Variants in SCAPER observed in about 807,000 individuals in gnomAD.
SCAPER encodes S phase cyclin A-associated protein in the endoplasmic reticulum.
A neutral mutation model predicts 182.2 loss-of-function variants in SCAPER; 98 were observed. That is an observed-to-expected ratio of 0.54 (90% CI 0.46 to 0.64). The LOEUF (loss-of-function observed/expected upper bound fraction) is 0.64, where lower values mean the gene tolerates loss of function less well. SCAPER is among the 30% of genes least tolerant of loss of function. SCAPER has a pLI of 0.00. For missense variants in SCAPER, 1,432 were observed against 1,690.0 expected, an observed-to-expected ratio of 0.85 and a Z score of 2.68; for synonymous variants, 605 against 564.6, an observed-to-expected ratio of 1.07 and a Z score of -1.01.
chr15:76,457,066 CTT>C (rs556374437), intron 25 of SCAPER, among the ~76,000 whole-genome samples: 28 of 141,920 alleles, frequency 2.0e-4, no homozygotes, highest in Admixed American at 3.5e-4. Context: ...GCTTTACACA[CTT>C]TTTTTTTTTT....
intron 26 of SCAPER, among the ~76,000 whole-genome samples, chr15:76,428,698 T>C (rs1250992370): frequency 6.6e-6 from 1 of 151,324 alleles, no homozygotes; most frequent in Non-Finnish European, 1.5e-5. Context: ...TACAATTAAA[T>C]AGGAGGAATA....
At chr15:76,522,291 A>T (rs184466983) in intron 23 of SCAPER, among the ~76,000 whole-genome samples, 57 of 152,270 alleles carry the variant, frequency 3.7e-4, no homozygotes, top group African/African-American at 1.3e-3. Flanking sequence ...AGTATAATTT[A>T]TTCCAATTTG....
chr15:76,716,034 A>G (rs1475541968), intron 17 of SCAPER, among the ~76,000 whole-genome samples: 1 of 152,130 alleles, frequency 6.6e-6, no homozygotes, highest in East Asian at 1.9e-4. Flanking sequence ...CCTGTGAACA[A>G]TGTCAGACCT....
At chr15:76,801,430 A>AT (rs2065782165) in intron 6 of SCAPER, among the ~76,000 whole-genome samples, 1 of 152,202 alleles carries the variant, frequency 6.6e-6, no homozygotes, top group South Asian at 2.1e-4. Context: ...ATATTTACCT[A>AT]TATTTTCTTC....
chr15:76,848,430 T>G (rs2070365465), intron 4 of SCAPER, among the ~76,000 whole-genome samples: 1 of 151,414 alleles, frequency 6.6e-6, no homozygotes, highest in Non-Finnish European at 1.5e-5. Flanking sequence ...GCCTCCCAGG[T>G]TCACGCCATT....
chr15:76,670,211 A>G (rs1438123763), intron 20 of SCAPER, among the ~76,000 whole-genome samples: 1 of 151,882 alleles, frequency 6.6e-6, no homozygotes, highest in East Asian at 1.9e-4. Context: ...AATATTTCTA[A>G]TACCTAGAAA....
At chr15:76,577,690 A>G (rs1418152429) in intron 22 of SCAPER, among the ~76,000 whole-genome samples, 2 of 152,148 alleles carry the variant, frequency 1.3e-5, no homozygotes, top group African/African-American at 4.8e-5. Flanking sequence ...CTCACGAGTT[A>G]GCAGTGGTAG....
chr15:76,654,614 C>G (rs2055463380), intron 21 of SCAPER, among the ~76,000 whole-genome samples: 1 of 152,182 alleles, frequency 6.6e-6, no homozygotes. Flanking sequence ...AATTCCATTA[C>G]TGGGTATATA....
chr15:76,800,232 TC>T lies in SCAPER; in HGVS notation c.611+15del. 1 of 1,411,328 alleles carries T rather than the reference TC, an allele frequency of 7.1e-7. No individual in the cohort carries two copies. Among genetic ancestry groups the T allele is most frequent in the Non-Finnish European group, 1.0e-6 (1 of 1,000,504 alleles). The allele number at this position is 1,411,328 out of a possible 1,614,324, so 87.4% of individuals were successfully genotyped here. The stretch of plus-strand genomic sequence containing the variant: ...TTTAATGCAAGTCTTAGTAGTTTTT[TC>T]TTAGTTCATCTCACCCAAAATTTAA... On this transcript the variant is annotated intron_variant, in intron 7 of 31. Transcript: ENST00000563290.
chr15:76,644,405 T>A (rs2054366456), intron 21 of SCAPER, among the ~76,000 whole-genome samples: 1 of 152,194 alleles, frequency 6.6e-6, no homozygotes, highest in Non-Finnish European at 1.5e-5. Context: ...AAATGCTTGA[T>A]AAATTTTCTA....
intron 16 of SCAPER, among the ~76,000 whole-genome samples, chr15:76,732,748 G>A (rs1047752051): frequency 5.9e-5 from 9 of 152,150 alleles, no homozygotes; most frequent in African/African-American, 9.7e-5. Flanking sequence ...CAGTGGTCAC[G>A]CTCCTAGTCC....
intron 2 of SCAPER, among the ~76,000 whole-genome samples, chr15:76,863,090 A>C (rs1030133146): frequency 1.3e-5 from 2 of 152,172 alleles, no homozygotes; most frequent in Non-Finnish European, 2.9e-5. Flanking sequence ...GAACATACGT[A>C]ATTTCTTGCT....
At chr15:76,659,046 C>T (rs946694551) in intron 21 of SCAPER, among the ~76,000 whole-genome samples, 5 of 151,954 alleles carry the variant, frequency 3.3e-5, no homozygotes, top group African/African-American at 9.7e-5. Flanking sequence ...AAAACAATTG[C>T]AACAACAACA....
chr15:76,358,463 A>C (rs533737252), intron 29 of SCAPER, among the ~76,000 whole-genome samples: 1 of 152,352 alleles, frequency 6.6e-6, no homozygotes, highest in East Asian at 1.9e-4. Flanking sequence ...TATTTTCCAC[A>C]GTTCTGGAGG....
chr15:76,688,532 T>C (rs2058161693), intron 20 of SCAPER, among the ~76,000 whole-genome samples: 1 of 152,214 alleles, frequency 6.6e-6, no homozygotes, highest in Non-Finnish European at 1.5e-5. Context: ...CTAAATGGTA[T>C]TGCCTAGGTT....
chr15:76,753,201 C>A (rs971907504), intron 15 of SCAPER, among the ~76,000 whole-genome samples: 3 of 151,700 alleles, frequency 2.0e-5, no homozygotes, highest in African/African-American at 4.8e-5. Context: ...TAGAAAAAAA[C>A]TGGAAAGAAA....
At chr15:76,501,714 C>T (rs560860041) in intron 24 of SCAPER, among the ~76,000 whole-genome samples, 2 of 152,304 alleles carry the variant, frequency 1.3e-5, no homozygotes, top group Admixed American at 6.5e-5. Context: ...ACAGCAAGGG[C>T]TAAGGTGGCA....
At chr15:76,489,786 A>G (rs2052092080) in intron 24 of SCAPER, among the ~76,000 whole-genome samples, 1 of 152,184 alleles carries the variant, frequency 6.6e-6, no homozygotes, top group Non-Finnish European at 1.5e-5. Flanking sequence ...CCTGTTGATT[A>G]GCAACTCCCT....
intron 4 of SCAPER, among the ~76,000 whole-genome samples, chr15:76,847,420 C>A (rs1332855624): frequency 6.6e-6 from 1 of 151,626 alleles, no homozygotes; most frequent in African/African-American, 2.4e-5. Context: ...TACTGGGGAA[C>A]ACAACAGGCT....
Sources: allele counts gnomAD v4.1 joint callset (sites outside exome capture counted in the v4.1 genomes callset), GRCh38; gene constraint gnomAD v4.1.1; transcripts MANE v1.5; gene names NCBI Gene and HGNC (gene_info 2026-07-23, HGNC 2026-07-21).